The following CAPN15 variants were observed in gnomAD, a reference collection of about 807,000 sequenced individuals.
CAPN15 encodes the protein calpain-15.
In CAPN15, 53 loss-of-function variants were observed where a neutral mutation model predicts 97.9. That is an observed-to-expected ratio of 0.54 (90% CI 0.43 to 0.68). The LOEUF is 0.68. Among genes scored for constraint, CAPN15 ranks in the 30% least tolerant of loss-of-function variants. The pLI, the probability that CAPN15 is intolerant of heterozygous loss-of-function variation, is 0.00. For missense variants in CAPN15, 1,592 were observed against 1,589.8 expected (o/e 1.00, Z -0.02); for synonymous variants, 922 against 722.5 (o/e 1.28, Z -4.43).
chr16:530,577 C>T (rs1027649889), intron 1 of CAPN15, among the ~76,000 whole-genome samples: 1 of 152,192 alleles, frequency 6.6e-6, no homozygotes, highest in Admixed American at 6.5e-5. Context: ...GACCTAGACC[C>T]GTTCAGCCAC....
rs767258505 is a variant in CAPN15, at chr16:547,753, T to TGGCACCAGCCGCGTAGAGGCC, written c.920_940dup (p.Thr307_Gly313dup). On this transcript the variant is annotated inframe_insertion, in exon 4 of 14. Transcript: ENST00000219611. ...TGCTGGAGGAAGAGGCCACGGAGGG[T>TGGCACCAGCCGCGTAGAGGCC]GGCACCAGCCGCGTAGAGGCCGGCA... The TGGCACCAGCCGCGTAGAGGCC allele has an allele frequency of 6.2e-7, 1 of 1,607,426 alleles. No homozygotes were observed. The highest frequency in any genetic ancestry group is 1.7e-5 in the Admixed American group (1 of 59,686).
In CAPN15 at chr16:547,105, G is replaced by A; in HGVS notation, c.267G>A (p.Lys89=). The part of the protein sequence containing the change: ...FLPVLNGVLP[K]PPAILGEPKG... ...CAGTCCTCAACGGGGTCCTCCCCAA[G>A]CCACCCGCCATCCTGGGGGAGCCCA... The change falls in exon 4 of 14, where the codon AAG becomes AAA. Residue 89 remains lysine (K), a synonymous_variant. Coordinates refer to ENST00000219611, the MANE Select transcript of CAPN15 (RefSeq NM_005632.3). The A allele has an allele frequency of 6.3e-7, 1 of 1,579,406 alleles. No individual in the cohort carries two copies. The highest frequency in any genetic ancestry group is 2.3e-5 in the East Asian group (1 of 44,026).
At position 547,687 on chromosome 16, in the gene CAPN15, C is replaced by G; in HGVS notation, c.849C>G (p.Ala283=). 1 of 1,591,842 alleles carries G rather than the reference C, an allele frequency of 6.3e-7. No individual in the cohort carries two copies. The highest frequency in any genetic ancestry group is 8.6e-7 in the Non-Finnish European group (1 of 1,167,976). ...GAPQGSGWAG[A]SRLAELLSGK... ...CCCAGGGCTCGGGCTGGGCTGGGGCCTCCCGCCTAGCAGAGTTGCTGTCTG... is the reference window on the plus strand; with the variant it reads ...CCCAGGGCTCGGGCTGGGCTGGGGCGTCCCGCCTAGCAGAGTTGCTGTCTG... The change falls in exon 4 of 14, where the codon GCC becomes GCG. Residue 283 remains alanine, a synonymous_variant. Transcript: ENST00000219611.
chr16:537,185 C>G, intron 3 of CAPN15: 2 of 985,482 alleles, frequency 2.0e-6, no homozygotes, highest in Non-Finnish European at 2.4e-6. Flanking sequence ...GCTGTCCCTG[C>G]TCTCCTAGGA....
At chr16:549,545 G>T (rs1567154983) in intron 6 of CAPN15, 70 bp from the exon 7 acceptor site, 4 of 1,442,940 alleles carry the variant, frequency 2.8e-6, no homozygotes. Context: ...AAGGCCGGCT[G>T]CTTCCTCTTC....
chr16:547,572 C>A lies in CAPN15; in HGVS notation c.734C>A (p.Pro245Gln), dbSNP rs200358694. The A allele has an allele frequency of 1.9e-6, 3 of 1,585,768 alleles. No individual in the cohort carries two copies. Among genetic ancestry groups the A allele is most frequent in the African/African-American group, 2.7e-5 (2 of 74,494 alleles). Residue 245 changes from proline to glutamine, a missense_variant, in exon 4 of 14, where the codon CCG becomes CAG. Around this residue, in one of 3 missense-constraint regions of CAPN15, gnomAD observed 883 missense variants for 776.6 expected, o/e 1.14. Coordinates refer to ENST00000219611, the MANE Select transcript of CAPN15 (RefSeq NM_005632.3). ...TCCACCCTGCAGAACAACCCCGTGC[C>A]GCGCAGCCGACGCGAGGTTCCCCCC... ...FSSTLQNNPV[P>Q]RSRREVPPQL...
In CAPN15 at chr16:549,172, C is replaced by T. The variant is rs769988350; in HGVS notation, c.1629C>T (p.Asp543=). 4 of 1,500,314 alleles carry T rather than the reference C, an allele frequency of 2.7e-6. No individual in the cohort carries two copies. Among genetic ancestry groups the T allele is most frequent in the African/African-American group, 2.9e-5 (2 of 70,154 alleles). The allele number at this position is 1,500,314 out of a possible 1,614,324, so 92.9% of individuals were successfully genotyped here. Residue 543 remains aspartate (D), a synonymous_variant, in exon 5 of 14, where the codon GAC becomes GAT. Coordinates refer to ENST00000219611, the MANE Select transcript of CAPN15 (RefSeq NM_005632.3). ...TGTTCCACACACTGCGGCCCTCAGA[C>T]ATCCTGCAGGGGCTGCTGGGGAACT... The part of the protein sequence containing the change: ...WSVFHTLRPS[D]ILQGLLGNCW...
In CAPN15 at chr16:552,768, C is replaced by T. The variant is rs752069881; in HGVS notation, c.2901C>T (p.His967=). Residue 967 remains histidine, a synonymous_variant, in exon 12 of 14, where the codon CAC becomes CAT. Coordinates refer to ENST00000219611, the MANE Select transcript of CAPN15 (RefSeq NM_005632.3). This position sits in a 1 kb window ranked among gnomAD's most constrained non-coding sequence, Gnocchi z 6.4. ...TCACCGAGAGCCGCGGAGAGCGGCA[C>T]GAGGTGGGTGGGGGTCCCGGGGGAG... ...ILLTESRGER[H]EGREGMTCYY... 64 of 1,526,542 alleles carry T rather than the reference C, an allele frequency of 4.2e-5. No individual in the cohort carries two copies. The highest frequency in any genetic ancestry group is 2.3e-4 in the Middle Eastern group (1 of 4,412). The allele number at this position is 1,526,542 out of a possible 1,614,324, so 94.6% of individuals were successfully genotyped here.
At chr16:534,090 T>TG (rs1254876521) in intron 2 of CAPN15, 92 bp downstream of exon 2, 3 of 476,382 alleles carry the variant, frequency 6.3e-6, no homozygotes, top group South Asian at 9.7e-5. Context: ...TGCCCACGGC[T>TG]GGGGGGCCTC....
intron 1 of CAPN15, among the ~76,000 whole-genome samples, chr16:529,933 G>A (rs1596313955): frequency 6.6e-6 from 1 of 152,176 alleles, no homozygotes; most frequent in African/African-American, 2.4e-5. Context: ...GCTGCCTCGT[G>A]CGCTTTGCTC....
chr16:531,309 C>T (rs533385552), intron 1 of CAPN15, among the ~76,000 whole-genome samples: 2 of 152,340 alleles, frequency 1.3e-5, no homozygotes, highest in East Asian at 1.9e-4. Context: ...AGTGATCTTC[C>T]TGCCTCAGCC....
chr16:534,225 TC>T (rs2033512986), intron 2 of CAPN15, among the ~76,000 whole-genome samples: 1 of 152,240 alleles, frequency 6.6e-6, no homozygotes, highest in Admixed American at 6.5e-5. Context: ...CGGCCCGGGG[TC>T]CCGACAGGGG....
intron 3 of CAPN15, among the ~76,000 whole-genome samples, chr16:545,772 CAG>C (rs1418227549): frequency 1.3e-5 from 2 of 152,228 alleles, no homozygotes; most frequent in Non-Finnish European, 2.9e-5. Context: ...CAGCGGGGTG[CAG>C]AGTCTGTGAA....
In CAPN15 at chr16:552,388, G is replaced by A; in HGVS notation, c.2595G>A (p.Leu865=). Reference sequence around the variant, plus strand: ...TCGGCAGCGGCGGCCACCTCAGCCTGGGCCGCCTCCTGGCCCACAGTAAGC... The same window carrying A: ...TCGGCAGCGGCGGCCACCTCAGCCTAGGCCGCCTCCTGGCCCACAGTAAGC... ...ATFGSGGHLS[L]GRLLAHSKRA... Residue 865 remains leucine (L), a synonymous_variant, in exon 11 of 14, where the codon CTG becomes CTA. Transcript: ENST00000219611. The surrounding 1 kb of genome is among the most constrained non-coding windows in gnomAD (Gnocchi z 6.4). 1 of 1,605,302 alleles carries A rather than the reference G, an allele frequency of 6.2e-7. No homozygotes were observed.
rs1402028400 is a variant in CAPN15 at position 547,374 on chromosome 16, C to T, written c.536C>T (p.Pro179Leu). 5 of 1,555,614 alleles carry T rather than the reference C, an allele frequency of 3.2e-6. No homozygotes were observed. Among genetic ancestry groups the T allele is most frequent in the Non-Finnish European group, 4.3e-6 (5 of 1,157,834 alleles). Residue 179 changes from proline to leucine, a missense_variant, in exon 4 of 14, where the codon CCT becomes CTT. Coordinates refer to ENST00000219611, the MANE Select transcript of CAPN15 (RefSeq NM_005632.3). ...AGGCTCTCGCTGCCACGGATCCCTC[C>T]TGAGGCCCTGGTGGTCCCGGAAGTG... ...PRRLSLPRIP[P>L]EALVVPEVVA...
Position 549,273 on chromosome 16 carries a change from T to C in CAPN15, c.1659-15T>C, listed in dbSNP as rs2034825575. 6.4e-7 allele frequency: 1 copy of C among 1,574,524 alleles called. No homozygotes were observed. Reference sequence around the variant, plus strand: ...GGCCGCGGTCCCCGCGAGGTCACCCTGAGGCTCTGCGCAGGTTCCTGAGCG... The same window carrying C: ...GGCCGCGGTCCCCGCGAGGTCACCCCGAGGCTCTGCGCAGGTTCCTGAGCG... On this transcript the variant is annotated splice_polypyrimidine_tract_variant and intron_variant, in intron 5 of 13. Coordinates refer to ENST00000219611, the MANE Select transcript of CAPN15 (RefSeq NM_005632.3).
At position 552,143 on chromosome 16, in the gene CAPN15, T is replaced by TG; in HGVS notation, c.2443dup (p.Val815GlyfsTer59). 1 of 1,547,486 alleles carries TG rather than the reference T, an allele frequency of 6.5e-7. No homozygotes were observed. Among genetic ancestry groups the TG allele is most frequent in the Non-Finnish European group, 8.7e-7 (1 of 1,146,106 alleles). On this transcript the variant is annotated frameshift_variant, in exon 10 of 14. Coordinates refer to ENST00000219611, the MANE Select transcript of CAPN15 (RefSeq NM_005632.3). LOFTEE classifies it high-confidence loss of function. This position sits in a 1 kb window ranked among gnomAD's most constrained non-coding sequence, Gnocchi z 6.4. ...TTTCCCAGCTCGGCCAGCGCGCCCG[T>TG]GGGGGTAACAGCGCTCACGGTGCTG...
At chr16:550,162 G>A (rs2034889316) in intron 7 of CAPN15, among the ~76,000 whole-genome samples, 1 of 152,166 alleles carries the variant, frequency 6.6e-6, no homozygotes, top group East Asian at 1.9e-4. Context: ...TCCGCCTCGG[G>A]GCAGGCGTGA....
rs929317632 is a variant in CAPN15 at position 553,770 on chromosome 16, C to T, written c.*254C>T. The T allele has an allele frequency of 1.0e-5, 4 of 390,884 alleles. No homozygotes were observed. Among genetic ancestry groups the T allele is most frequent in the African/African-American group, 4.1e-5 (2 of 48,420 alleles). 24.2% of individuals were successfully genotyped at this position (390,884 alleles called of 1,614,324 possible). ...AACCAGGCGGGCTGTGAACCAGCCC[C>T]GCTCACCTGCCAGCCCCAACACCCG... On this transcript the variant is annotated 3_prime_UTR_variant, in exon 14 of 14. Transcript: ENST00000219611.
Sources: gnomAD v4.1 joint callset for allele counts (sites outside exome capture counted in the v4.1 genomes callset) on GRCh38, gnomAD v4.1.1 for gene constraint, gnomAD v4.1.1 regional missense constraint, Gnocchi (gnomAD v3.1) non-coding constraint, MANE v1.5 for transcripts, NCBI Gene and HGNC (gene_info 2026-07-23, HGNC 2026-07-21) for gene names.